The following SLC40A1 variants were observed in gnomAD, a reference collection of about 807,000 sequenced individuals.
SLC40A1 encodes solute carrier family 40 member 1.
In SLC40A1, 16 loss-of-function variants were observed where a neutral mutation model predicts 53.5. The observed-to-expected ratio is 0.30, with a 90% CI of 0.20 to 0.45. SLC40A1 has a LOEUF of 0.45. Ranked by LOEUF, SLC40A1 falls within the 20% of genes least tolerant of loss-of-function variation. The probability of loss-of-function intolerance (pLI) is 1.00; values close to 1 mark genes in which losing one functional copy is unlikely to be tolerated. For synonymous variants in SLC40A1, 247 were observed against 253.2 expected, an observed-to-expected ratio of 0.98 and a Z score of 0.23; for missense variants, 545 against 695.4, an observed-to-expected ratio of 0.78 and a Z score of 2.43.
chr2:189,564,234 A>G lies in SLC40A1; in HGVS notation c.761-9T>C. 1 of 1,612,674 alleles carries G rather than the reference A, an allele frequency of 6.2e-7. No individual in the cohort carries two copies. The highest frequency in any genetic ancestry group is 8.5e-7 in the Non-Finnish European group (1 of 1,178,670). On this transcript the variant is annotated splice_polypyrimidine_tract_variant and intron_variant, in intron 6 of 7. Transcript: ENST00000261024. ...GGGTTTTGGCTCAGTATCTGTTAAG[A>G]AAAGATACCATTATTTTGTTGGGGA... is the stretch of plus-strand genomic sequence containing the variant.
rs1214700286 is a variant in SLC40A1, at chr2:189,561,089, T to C, written c.*789A>G. ...ACTAATGATGATAACATGAGTTAAA[T>C]TGGGATTCTTGCCCTTCTGTGTGGC... On this transcript the variant is annotated 3_prime_UTR_variant, in exon 8 of 8. Transcript: ENST00000261024. 1 of 152,236 alleles carries C rather than the reference T, an allele frequency of 6.6e-6. No homozygotes were observed. The highest frequency in any genetic ancestry group is 2.4e-5 in the African/African-American group (1 of 41,460). The allele number at this position is 152,236 out of a possible 1,614,324, so 9.4% of individuals were successfully genotyped here.
Position 189,580,537 on chromosome 2 carries a change from A to C in SLC40A1, c.-77T>G, listed in dbSNP as rs1321028880. 1 of 1,608,188 alleles carries C rather than the reference A, an allele frequency of 6.2e-7. No individual in the cohort carries two copies. The highest frequency in any genetic ancestry group is 2.2e-5 in the East Asian group (1 of 44,876). On this transcript the variant is annotated 5_prime_UTR_variant, in exon 1 of 8. Transcript: ENST00000261024. ...TCTCGCTGAGGTGCTTGTTAACAGGAGTGCAAGGAACTGGAGATAGCACCT... is the reference window on the plus strand; with the variant it reads ...TCTCGCTGAGGTGCTTGTTAACAGGCGTGCAAGGAACTGGAGATAGCACCT...
Position 189,563,938 on chromosome 2 carries a change from C to A in SLC40A1, c.1048G>T (p.Ala350Ser). The stretch of plus-strand genomic sequence containing the variant: ...ACAGTTCCCATTATTCCAGTTATAG[C>A]TGATGCTCCCATCAAAATACTGAGG... Reference protein sequence around the residue: ...SILSILMGASAITGIMGTVAF... With the variant: ...SILSILMGASSITGIMGTVAF... Residue 350 changes from alanine to serine, a missense_variant, in exon 7 of 8, where the codon GCT becomes TCT. This residue lies in a region of SLC40A1 where 234 missense variants were observed against 299.0 expected (regional missense o/e 0.78). Coordinates refer to ENST00000261024, the MANE Select transcript of SLC40A1 (RefSeq NM_014585.6). The A allele has an allele frequency of 6.2e-7, 1 of 1,614,150 alleles. No homozygotes were observed. Among genetic ancestry groups the A allele is most frequent in the Non-Finnish European group, 8.5e-7 (1 of 1,180,032 alleles).
At chr2:189,567,946 A>G (rs2030989045) in intron 5 of SLC40A1, among the ~76,000 whole-genome samples, 1 of 152,224 alleles carries the variant, frequency 6.6e-6, no homozygotes, top group Admixed American at 6.5e-5. Flanking sequence ...CCAAAAAGCA[A>G]GTAACTAAAG....
intron 2 of SLC40A1, among the ~76,000 whole-genome samples, chr2:189,578,711 A>G (rs996043854): frequency 1.3e-5 from 2 of 152,198 alleles, no homozygotes; most frequent in Non-Finnish European, 2.9e-5. Context: ...AAACAAACTC[A>G]CACCAATTCC....
chr2:189,568,258 G>A (rs945912274), intron 5 of SLC40A1, among the ~76,000 whole-genome samples: 1 of 152,068 alleles, frequency 6.6e-6, no homozygotes, highest in Non-Finnish European at 1.5e-5. Context: ...GGAGGCCGAG[G>A]CGGGTGGATC....
chr2:189,565,748 G>A lies in SLC40A1; in HGVS notation c.515-149C>T. 5.8e-6 allele frequency: 7 copies of A among 1,212,934 alleles called. No individual in the cohort carries two copies. In the South Asian group the frequency reaches 7.8e-5, roughly 13 times the overall value. The allele number at this position is 1,212,934 out of a possible 1,614,324, so 75.1% of individuals were successfully genotyped here. ...CATTTGTAAGAAAGACATTTTGTTG[G>A]AAAAATATTTGTTGTTTGGGTCAAG... On this transcript the variant is annotated intron_variant, in intron 5 of 7. Transcript: ENST00000261024.
At position 189,580,489 on chromosome 2, in the gene SLC40A1, G is replaced by T; in HGVS notation, c.-29C>A. 1 of 1,612,826 alleles carries T rather than the reference G, an allele frequency of 6.2e-7. No homozygotes were observed. On this transcript the variant is annotated 5_prime_UTR_variant, in exon 1 of 8. Coordinates refer to ENST00000261024, the MANE Select transcript of SLC40A1 (RefSeq NM_014585.6). ...ACTAGGCGACCCCGCTGGCTCTTCT[G>T]CGGCTGCTATCGCTGCTGCTGCTCT...
intron 1 of SLC40A1, 50 bp from the exon 2 acceptor site, chr2:189,579,930 A>T (rs1274546828): frequency 6.5e-7 from 1 of 1,540,850 alleles, no homozygotes; most frequent in Non-Finnish European, 9.0e-7. Flanking sequence ...TCACTTAATG[A>T]GCTGAGGGCA....
chr2:189,573,074 A>G, intron 3 of SLC40A1, 113 bp from the exon 4 acceptor site: 1 of 808,026 alleles, frequency 1.2e-6, no homozygotes, highest in East Asian at 2.6e-5. Context: ...CCTAATTATT[A>G]CCAGATAAAA....
chr2:189,576,003 C>T (rs1470085339), intron 2 of SLC40A1, among the ~76,000 whole-genome samples: 3 of 152,140 alleles, frequency 2.0e-5, no homozygotes, highest in African/African-American at 7.2e-5. Flanking sequence ...CATTTTAATA[C>T]AGATGAGTTT....
At chr2:189,568,488 C>CA (rs879346717) in intron 5 of SLC40A1, among the ~76,000 whole-genome samples, 70 of 124,446 alleles carry the variant, frequency 5.6e-4, no homozygotes, top group South Asian at 3.9e-3. Context: ...GACTCCGTCT[C>CA]AAAAAAAAAA....
chr2:189,575,287 A>G lies in SLC40A1; in HGVS notation c.145T>C (p.Phe49Leu). The G allele has an allele frequency of 6.2e-7, 1 of 1,614,094 alleles. No individual in the cohort carries two copies. The highest frequency in any genetic ancestry group is 8.5e-7 in the Non-Finnish European group (1 of 1,179,988). ...CTGTTTCCATAGAGCTCTACCAGAA[A>G]CACAGACACCGCAAAGTGCCACATC... The part of the protein sequence containing the change: ...DRMWHFAVSV[F>L]LVELYGNSLL... The change falls in exon 3 of 8, where the codon TTT becomes CTT. Residue 49 changes from phenylalanine (F) to leucine (L), a missense_variant. Physicochemically the swap from Phe to Leu is conservative, Grantham distance 22. This residue lies in a region of SLC40A1 where 197 missense variants were observed against 278.8 expected (regional missense o/e 0.71). Coordinates refer to ENST00000261024, the MANE Select transcript of SLC40A1 (RefSeq NM_014585.6).
At chr2:189,562,256 TAAAA>T in intron 7 of SLC40A1, 65 bp from the exon 8 acceptor site, 4 of 1,302,178 alleles carry the variant, frequency 3.1e-6, no homozygotes, top group Non-Finnish European at 4.3e-6. Flanking sequence ...AAATCACAGA[TAAAA>T]ATCTGTTGAC....
At position 189,580,728 on chromosome 2, in the gene SLC40A1, G is replaced by T; in HGVS notation, c.-268C>A. On this transcript the variant is annotated 5_prime_UTR_variant, in exon 1 of 8. The change creates a new upstream start codon in the 5' untranslated region. Coordinates refer to ENST00000261024, the MANE Select transcript of SLC40A1 (RefSeq NM_014585.6). The stretch of plus-strand genomic sequence containing the variant: ...TTATGGAAGCGGTTTGGGAGGCTCA[G>T]CAGGTCGTCCGAGCCTAGCGGACGC... 1 of 1,374,552 alleles carries T rather than the reference G, an allele frequency of 7.3e-7. No individual in the cohort carries two copies. Among genetic ancestry groups the T allele is most frequent in the Non-Finnish European group, 9.4e-7 (1 of 1,063,014 alleles). 85.1% of individuals were successfully genotyped at this position (1,374,552 alleles called of 1,614,324 possible).
chr2:189,561,830 CAT>C lies in SLC40A1; in HGVS notation c.*46_*47del. On this transcript the variant is annotated 3_prime_UTR_variant, in exon 8 of 8. Transcript: ENST00000261024. ...GGAATTCTGCAGTACAAAATAAGCA[CAT>C]GTGCTCTATATAATCTAGTAACAGG... 3.4e-6 allele frequency: 5 copies of C among 1,485,280 alleles called. No homozygotes were observed. The highest frequency in any genetic ancestry group is 4.7e-6 in the Non-Finnish European group (5 of 1,063,758). The allele number at this position is 1,485,280 out of a possible 1,614,324, so 92.0% of individuals were successfully genotyped here.
chr2:189,577,615 CTT>C (rs11419650), intron 2 of SLC40A1, among the ~76,000 whole-genome samples: 41 of 133,482 alleles, frequency 3.1e-4, no homozygotes, highest in Middle Eastern at 4.0e-3. Flanking sequence ...ATAGTATCCA[CTT>C]TTTTTTTTTT....
In SLC40A1 at chr2:189,561,890, T is replaced by C. The variant is rs2030750138; in HGVS notation, c.1704A>G (p.Thr568=). The C allele has an allele frequency of 3.1e-6, 5 of 1,613,140 alleles. No homozygotes were observed. The East Asian group carries it at 6.7e-5, about 22-fold the overall frequency. ...CAGTTAAACTGTCTCAAACAACAGA[T>C]GTATTTGCTTGATTTTCCTTCCTAA... ...KEVRKENQAN[T]SVV Residue 568 remains threonine (T), a synonymous_variant, in exon 8 of 8, where the codon ACA becomes ACG. Transcript: ENST00000261024.
At chr2:189,568,908 A>G (rs1481236498) in intron 5 of SLC40A1, among the ~76,000 whole-genome samples, 1 of 152,206 alleles carries the variant, frequency 6.6e-6, no homozygotes, top group Non-Finnish European at 1.5e-5. Flanking sequence ...ATGGAGGAGG[A>G]AAAAAAGCAA....
Sources: gnomAD v4.1 joint callset for allele counts (sites outside exome capture counted in the v4.1 genomes callset) on GRCh38, gnomAD v4.1.1 for gene constraint, gnomAD v4.1.1 regional missense constraint, MANE v1.5 for transcripts, NCBI Gene and HGNC (gene_info 2026-07-23, HGNC 2026-07-21) for gene names.